RPRD1A: variants seen among roughly 807,000 people sequenced by gnomAD.
The protein encoded by RPRD1A is regulation of nuclear pre-mRNA domain-containing protein 1A.
RPRD1A carries 9 observed loss-of-function variants against 37.8 expected under a neutral mutation model. The observed-to-expected ratio is 0.24, with a 90% CI of 0.14 to 0.42. The LOEUF is 0.42. RPRD1A is among the 10% of genes least tolerant of loss of function. RPRD1A has a pLI of 1.00. For synonymous variants in RPRD1A, 138 were observed against 139.7 expected, an observed-to-expected ratio of 0.99 and a Z score of 0.08; for missense variants, 255 against 371.0, an observed-to-expected ratio of 0.69 and a Z score of 2.57.
intron 6 of RPRD1A, among the ~76,000 whole-genome samples, chr18:36,023,997 T>C (rs1230556055): frequency 6.6e-6 from 1 of 152,270 alleles, no homozygotes; most frequent in African/African-American, 2.4e-5. Context: ...TATTCATGTA[T>C]GCCTTCCAAG....
chr18:36,032,254 C>T (rs1181475744), intron 2 of RPRD1A, among the ~76,000 whole-genome samples: 1 of 138,832 alleles, frequency 7.2e-6, no homozygotes, highest in East Asian at 2.1e-4. Flanking sequence ...TCCAGTAGAA[C>T]AAAACTGTCT....
At chr18:36,002,090 T>C (rs1025112102) in intron 6 of RPRD1A, among the ~76,000 whole-genome samples, 1 of 152,084 alleles carries the variant, frequency 6.6e-6, no homozygotes, top group Non-Finnish European at 1.5e-5. Flanking sequence ...GTAGAGATTG[T>C]AGGCATTTTG....
intron 6 of RPRD1A, among the ~76,000 whole-genome samples, chr18:36,015,173 T>TACACACACACAC (rs368940718): frequency 7.6e-5 from 10 of 130,950 alleles, no homozygotes; most frequent in African/African-American, 2.7e-4. Flanking sequence ...TACACATATA[T>TACACACACACAC]ACACACACAC....
chr18:36,027,131 G>C, intron 5 of RPRD1A, 53 bp downstream of exon 5: 1 of 1,612,270 alleles, frequency 6.2e-7, no homozygotes, highest in South Asian at 1.1e-5. Context: ...GACATATGCT[G>C]TTCTCTCATC....
intron 1 of RPRD1A, among the ~76,000 whole-genome samples, chr18:36,047,802 A>G (rs1913062215): frequency 6.6e-6 from 1 of 152,244 alleles, no homozygotes; most frequent in Admixed American, 6.5e-5. Flanking sequence ...GAATAGCCCT[A>G]TAACAATTAA....
At chr18:36,000,618 CCA>C (rs1909357518) in intron 6 of RPRD1A, among the ~76,000 whole-genome samples, 1 of 152,174 alleles carries the variant, frequency 6.6e-6, no homozygotes, top group Non-Finnish European at 1.5e-5. Context: ...TTTCATTATA[CCA>C]CACTGTGACC....
intron 1 of RPRD1A, among the ~76,000 whole-genome samples, chr18:36,038,738 C>CA (rs1346055561): frequency 3.3e-5 from 5 of 152,140 alleles, no homozygotes; most frequent in African/African-American, 1.2e-4. Context: ...AGGAGCTGCC[C>CA]AAGGCAGTGG....
intron 6 of RPRD1A, chr18:36,025,640 G>T (rs775025935): frequency 7.8e-7 from 1 of 1,288,792 alleles, no homozygotes; most frequent in South Asian, 1.2e-5. Flanking sequence ...ATATACTAAT[G>T]GTGACGACAT....
chr18:36,028,550 T>C (rs1423007716), intron 4 of RPRD1A, among the ~76,000 whole-genome samples: 1 of 152,200 alleles, frequency 6.6e-6, no homozygotes, highest in Non-Finnish European at 1.5e-5. Context: ...TGGCAATGCA[T>C]TGATGCTTTA....
At chr18:36,067,184 A>G (rs1289124761) in intron 1 of RPRD1A, 70 bp downstream of exon 1, 1 of 1,478,242 alleles carries the variant, frequency 6.8e-7, no homozygotes, top group African/African-American at 1.4e-5. Flanking sequence ...CGCTGGAGAA[A>G]CGGGGTTCCC....
chr18:36,030,280 T>C (rs894760605), intron 4 of RPRD1A, among the ~76,000 whole-genome samples: 1 of 148,350 alleles, frequency 6.7e-6, no homozygotes, highest in African/African-American at 2.5e-5. Flanking sequence ...AGGCCAGGAG[T>C]TCAAGACCAG....
chr18:36,019,602 C>T (rs1910853286), intron 6 of RPRD1A, among the ~76,000 whole-genome samples: 1 of 152,170 alleles, frequency 6.6e-6, no homozygotes, highest in Admixed American at 6.5e-5. Context: ...TTAATTAAGA[C>T]ATAAAAAGTC....
rs189425411 is a variant in RPRD1A at position 36,050,077 on chromosome 18, G to A, written c.152-16240C>T. ...GAGACAGAAAATAAAAGGGTTGTTGGGGGAGAAGAAAATGGGGAGTTAATG... is the reference window on the plus strand; with the variant it reads ...GAGACAGAAAATAAAAGGGTTGTTGAGGGAGAAGAAAATGGGGAGTTAATG... On this transcript the variant is annotated intron_variant, in intron 1 of 6. Transcript: ENST00000399022. Among the ~76,000 whole-genome samples, 11 of 152,110 alleles carry A rather than the reference G, an allele frequency of 7.2e-5. No individual in the cohort carries two copies. The East Asian group carries it at 2.1e-3, about 29-fold the overall frequency.
At chr18:36,006,643 G>T (rs1909765838) in intron 6 of RPRD1A, among the ~76,000 whole-genome samples, 1 of 152,112 alleles carries the variant, frequency 6.6e-6, no homozygotes, top group Admixed American at 6.5e-5. Flanking sequence ...AGGCTTCAAG[G>T]GCAGCATCAC....
chr18:36,062,615 T>C (rs898175962), intron 1 of RPRD1A, among the ~76,000 whole-genome samples: 5 of 152,316 alleles, frequency 3.3e-5, no homozygotes, highest in Admixed American at 2.6e-4. Flanking sequence ...CAGTAAGTGG[T>C]CTTTTGCAAC....
chr18:36,046,210 A>C (rs1292359407), intron 1 of RPRD1A, among the ~76,000 whole-genome samples: 1 of 152,198 alleles, frequency 6.6e-6, no homozygotes, highest in Non-Finnish European at 1.5e-5. Context: ...CGGTAAGCCT[A>C]GACTTCCACC....
At chr18:36,064,768 G>A (rs1489518499) in intron 1 of RPRD1A, among the ~76,000 whole-genome samples, 1 of 152,142 alleles carries the variant, frequency 6.6e-6, no homozygotes, top group Non-Finnish European at 1.5e-5. Flanking sequence ...CCACTTCCCT[G>A]CTGTTGAAGA....
rs1204947947 is a variant in RPRD1A, at chr18:36,061,672, A to T, written c.151+5582T>A. ...GAGACATTTACAGTTTAAAACAGTC[A>T]CCTTCAAAGGACACTATTAAGAAAG... On this transcript the variant is annotated intron_variant, in intron 1 of 6. Coordinates refer to ENST00000399022, the MANE Select transcript of RPRD1A (RefSeq NM_018170.5). Among the ~76,000 whole-genome samples the T allele has an allele frequency of 2.6e-5, 4 of 152,314 alleles. No individual in the cohort carries two copies. In the East Asian group the frequency reaches 7.7e-4, roughly 29 times the overall value.
chr18:36,042,245 G>A (rs555766101), intron 1 of RPRD1A, among the ~76,000 whole-genome samples: 1 of 152,176 alleles, frequency 6.6e-6, no homozygotes, highest in African/African-American at 2.4e-5. Context: ...TGCTTTCATA[G>A]CACTCCATAC....
Sources: allele counts gnomAD v4.1 joint callset (sites outside exome capture counted in the v4.1 genomes callset), GRCh38; gene constraint gnomAD v4.1.1; transcripts MANE v1.5; gene names NCBI Gene and HGNC (gene_info 2026-07-23, HGNC 2026-07-21).